Variants in DLGAP1 observed in about 807,000 individuals in gnomAD.
The protein encoded by DLGAP1 is DLG associated protein 1.
A neutral mutation model predicts 90.8 loss-of-function variants in DLGAP1; 11 were observed. The ratio of observed to expected loss-of-function variants is 0.12; its 90% CI spans 0.08 to 0.20. DLGAP1 has a LOEUF of 0.20. Ranked by LOEUF, DLGAP1 falls within the 10% of genes least tolerant of loss-of-function variation. The pLI, the probability that DLGAP1 is intolerant of heterozygous loss-of-function variation, is 1.00. For synonymous variants in DLGAP1, 558 were observed against 540.7 expected (o/e 1.03, Z -0.44); for missense variants, 1,050 against 1,333.8 (o/e 0.79, Z 3.31).
In DLGAP1 at chr18:3,772,388, CTT is replaced by C. The variant is rs1212992647; in HGVS notation, c.1173-29878_1173-29877del. Among the ~76,000 whole-genome samples the C allele has an allele frequency of 9.4e-4, 29 of 30,858 alleles. 1 individual carries two copies. Among genetic ancestry groups the C allele is most frequent in the Admixed American group, 1.4e-3 (3 of 2,214 alleles). The allele number at this position is 30,858 out of a possible 152,430, so 20.2% of individuals were successfully genotyped here. A position where few individuals can be genotyped will look rare whatever the true frequency, so the allele number is the denominator to read the frequency against. On this transcript the variant is annotated intron_variant, in intron 5 of 12. Coordinates refer to ENST00000315677, the MANE Select transcript of DLGAP1 (RefSeq NM_004746.4). ...TCTTTCTTTCTTTCTTTCTTTCTTT[CTT>C]TCTTTCTTTCTTTCTTTCTCTTTCT...
chr18:4,351,371 A>G (rs2081398567), intron 1 of DLGAP1, among the ~76,000 whole-genome samples: 1 of 152,198 alleles, frequency 6.6e-6, no homozygotes, highest in Non-Finnish European at 1.5e-5. Context: ...GTAAGAATTT[A>G]TAAAAATAGC....
chr18:4,401,956 G>A (rs557325998), intron 1 of DLGAP1, among the ~76,000 whole-genome samples: 79 of 152,266 alleles, frequency 5.2e-4, no homozygotes, highest in African/African-American at 1.9e-3. Flanking sequence ...GCTGCAGGCA[G>A]CAAGGGCCCA....
At chr18:3,872,225 CAAAAAAAAA>C (rs5822772) in intron 4 of DLGAP1, among the ~76,000 whole-genome samples, 1 of 87,104 alleles carries the variant, frequency 1.1e-5, no homozygotes, top group African/African-American at 4.1e-5. Flanking sequence ...CTCTCCAAGA[CAAAAAAAAA>C]AAAAAAAAAA....
Position 3,671,062 on chromosome 18 carries a change from C to T in DLGAP1, c.1591+58073G>A, listed in dbSNP as rs1598286006. On this transcript the variant is annotated intron_variant, in intron 7 of 12. Transcript: ENST00000315677. ...GTTTTGTCTTGGATCACTCCCATCC[C>T]TTCTTTCTTTTTCCCACCTTCCCTC... is the stretch of plus-strand genomic sequence containing the variant. Among the ~76,000 whole-genome samples the T allele has an allele frequency of 2.0e-5, 3 of 152,278 alleles. No homozygotes were observed. The South Asian group carries it at 6.2e-4, about 32-fold the overall frequency.
Position 4,001,222 on chromosome 18 carries a change from CTT to C in DLGAP1, c.-73+3892_-73+3893del, listed in dbSNP as rs1243411668. Among the ~76,000 whole-genome samples, 4 of 152,084 alleles carry C rather than the reference CTT, an allele frequency of 2.6e-5. No homozygotes were observed. The East Asian group carries it at 5.8e-4, about 22-fold the overall frequency. The stretch of plus-strand genomic sequence containing the variant: ...TTTGGAATAAGTTTTTTCTTCAACT[CTT>C]AATATTTTTCTATTTCTATAAACTC... On this transcript the variant is annotated intron_variant, in intron 3 of 12. Coordinates refer to ENST00000315677, the MANE Select transcript of DLGAP1 (RefSeq NM_004746.4).
intron 1 of DLGAP1, among the ~76,000 whole-genome samples, chr18:4,279,040 CA>C (rs1183508856): frequency 2.0e-5 from 3 of 152,176 alleles, no homozygotes; most frequent in Non-Finnish European, 2.9e-5. Flanking sequence ...CTGAGAGAAG[CA>C]AAAATCATGC....
chr18:4,044,677 G>A (rs2075022483), intron 2 of DLGAP1, among the ~76,000 whole-genome samples: 1 of 152,104 alleles, frequency 6.6e-6, no homozygotes, highest in South Asian at 2.1e-4. Context: ...GGAGGCAGAG[G>A]TTGCAGTAAG....
At chr18:3,955,701 T>A in intron 3 of DLGAP1, among the ~76,000 whole-genome samples, 1 of 144,994 alleles carries the variant, frequency 6.9e-6, no homozygotes, top group African/African-American at 2.6e-5. Context: ...GCAAAAAGAG[T>A]GAAACTCCGT....
intron 1 of DLGAP1, among the ~76,000 whole-genome samples, chr18:4,235,392 A>G (rs1229609061): frequency 1.3e-5 from 2 of 152,188 alleles, no homozygotes. Flanking sequence ...CAGAGGAGAC[A>G]TCGTGAGAGT....
chr18:4,299,083 G>GA (rs2080059172), intron 1 of DLGAP1, among the ~76,000 whole-genome samples: 1 of 47,596 alleles, frequency 2.1e-5, no homozygotes, highest in African/African-American at 1.2e-4. Context: ...TCTGTCTCAA[G>GA]ACAAAAAAAA....
At chr18:4,409,737 G>GTAGAATAGAA (rs2082737077) in intron 1 of DLGAP1, among the ~76,000 whole-genome samples, 1 of 151,972 alleles carries the variant, frequency 6.6e-6, no homozygotes, top group Non-Finnish European at 1.5e-5. Flanking sequence ...CTCTATTCAT[G>GTAGAATAGAA]TTCTTAGCCC....
intron 1 of DLGAP1, among the ~76,000 whole-genome samples, chr18:4,390,107 C>A (rs1156413529): frequency 6.6e-6 from 1 of 151,920 alleles, no homozygotes; most frequent in Non-Finnish European, 1.5e-5. Context: ...ATATTCTCTG[C>A]CCTTCCTTAT....
intron 1 of DLGAP1, among the ~76,000 whole-genome samples, chr18:4,324,663 T>C (rs1173591241): frequency 6.6e-6 from 1 of 152,106 alleles, no homozygotes; most frequent in African/African-American, 2.4e-5. Context: ...AAAAAGCTAA[T>C]TCCCCTGTAA....
In DLGAP1 at chr18:4,129,872, T is replaced by C. The variant is rs73943860; in HGVS notation, c.-159+21308A>G. ...GTCTCAAAGTGTTTTGGTCACCTGG[T>C]AAAGAACTAGATTTCACATGAATGC... On this transcript the variant is annotated intron_variant, in intron 2 of 12. Transcript: ENST00000315677. Among the ~76,000 whole-genome samples the C allele has an allele frequency of 2.5e-3, 381 of 152,306 alleles. 1 individual carries two copies. The highest frequency in any genetic ancestry group is 8.8e-3 in the African/African-American group (368 of 41,582).
intron 5 of DLGAP1, among the ~76,000 whole-genome samples, chr18:3,782,941 T>A (rs1328016161): frequency 6.6e-6 from 1 of 152,108 alleles, no homozygotes; most frequent in Admixed American, 6.5e-5. Context: ...TATAAACAAC[T>A]CCTACAACTC....
rs78906655 is a variant in DLGAP1 at position 3,843,032 on chromosome 18, C to A, written c.958-28759G>T. On this transcript the variant is annotated intron_variant, in intron 4 of 12. Coordinates refer to ENST00000315677, the MANE Select transcript of DLGAP1 (RefSeq NM_004746.4). ...GGCCTTTTTGCAATGGTGCCAAGAA[C>A]TTCTTATGACTGTGGGCCATCTGTA... Among the ~76,000 whole-genome samples the A allele has an allele frequency of 1.1e-3, 164 of 152,266 alleles. 3 individuals are homozygous for A. The East Asian group carries it at 0.022, about 20-fold the overall frequency.
intron 1 of DLGAP1, among the ~76,000 whole-genome samples, chr18:4,277,265 A>G (rs761324900): frequency 1.1e-4 from 16 of 152,232 alleles, no homozygotes; most frequent in Non-Finnish European, 2.2e-4. Context: ...CTTGATGAAT[A>G]CATGGAATTG....
chr18:3,754,666 G>A (rs1253666775), intron 5 of DLGAP1, among the ~76,000 whole-genome samples: 1 of 147,480 alleles, frequency 6.8e-6, no homozygotes, highest in Non-Finnish European at 1.5e-5. Context: ...GATTGCATGA[G>A]CTCAGGAGTT....
intron 1 of DLGAP1, among the ~76,000 whole-genome samples, chr18:4,190,436 A>G (rs988639023): frequency 2.6e-5 from 4 of 152,120 alleles, no homozygotes; most frequent in Admixed American, 1.3e-4. Context: ...ATTCTGTATG[A>G]TAATACGATG....
Sources: allele counts gnomAD v4.1 joint callset (sites outside exome capture counted in the v4.1 genomes callset), GRCh38; gene constraint gnomAD v4.1.1; transcripts MANE v1.5; gene names NCBI Gene and HGNC (gene_info 2026-07-23, HGNC 2026-07-21).